HDAC3: variants seen among roughly 807,000 people sequenced by gnomAD.
HDAC3 encodes the protein histone deacetylase 3.
In HDAC3, 21 loss-of-function variants were observed where a neutral mutation model predicts 62.3. That is an observed-to-expected ratio of 0.34 (90% CI 0.24 to 0.49). HDAC3 has a LOEUF of 0.49. Among genes scored for constraint, HDAC3 ranks in the 20% least tolerant of loss-of-function variants. The probability of loss-of-function intolerance (pLI) is 0.99; values close to 1 mark genes in which losing one functional copy is unlikely to be tolerated. For synonymous variants in HDAC3, 198 were observed against 206.5 expected (o/e 0.96, Z 0.35); for missense variants, 270 against 556.9 (o/e 0.48, Z 5.19).
In HDAC3 at chr5:141,636,780, G is replaced by A. The variant is rs1288098499; in HGVS notation, c.11C>T (p.Thr4Ile). 3.7e-6 allele frequency: 6 copies of A among 1,611,960 alleles called. No homozygotes were observed. The East Asian group carries it at 1.1e-4, about 30-fold the overall frequency. MAK[T>I]VAYFYDPDVG... ...GTCGGGGTCGTAGAAATAGGCCACG[G>A]TCTTGGCCATGGTGCCGGCGGGAGC... is the stretch of plus-strand genomic sequence containing the variant. Residue 4 changes from threonine to isoleucine, a missense_variant, in exon 1 of 15, where the codon ACC (threonine) becomes ATC (isoleucine). By Grantham distance (89) the Thr-to-Ile change is moderately conservative. Around this residue, in one of 5 missense-constraint regions of HDAC3, gnomAD observed 22 missense variants for 21.3 expected, o/e 1.03. Coordinates refer to ENST00000305264, the MANE Select transcript of HDAC3 (RefSeq NM_003883.4).
intron 3 of HDAC3, among the ~76,000 whole-genome samples, chr5:141,633,548 G>A (rs1314377721): frequency 6.6e-6 from 1 of 152,100 alleles, no homozygotes; most frequent in Non-Finnish European, 1.5e-5. Context: ...TTGCTCAGCT[G>A]GGTGCGATGG....
chr5:141,629,216 C>G lies in HDAC3; in HGVS notation c.567G>C (p.Thr189=). Residue 189 remains threonine (T), a synonymous_variant, in exon 7 of 15, where the codon ACG becomes ACC. Coordinates refer to ENST00000305264, the MANE Select transcript of HDAC3 (RefSeq NM_003883.4). This position sits in a 1 kb window ranked among gnomAD's most constrained non-coding sequence, Gnocchi z 5.3. The part of the protein sequence containing the change: ...EAFYLTDRVM[T]VSFHKYGNYF... ...AATTTCCGTATTTGTGGAAGGACAC[C>G]GTCATGACCCGGTCAGTGAGGTAGA... 1 of 1,614,122 alleles carries G rather than the reference C, an allele frequency of 6.2e-7. No homozygotes were observed. Among genetic ancestry groups the G allele is most frequent in the Non-Finnish European group, 8.5e-7 (1 of 1,180,022 alleles).
rs1220359291 is a variant in HDAC3, at chr5:141,625,970, G to C, written c.979+43C>G. The C allele has an allele frequency of 6.5e-7, 1 of 1,547,180 alleles. No homozygotes were observed. The highest frequency in any genetic ancestry group is 1.7e-5 in the Admixed American group (1 of 59,932). On this transcript the variant is annotated intron_variant, in intron 12 of 14. Coordinates refer to ENST00000305264, the MANE Select transcript of HDAC3 (RefSeq NM_003883.4). The surrounding 1 kb of genome is among the most constrained non-coding windows in gnomAD (Gnocchi z 4.0). ...ACCAGGTCATTCTGGAATCTGGTGA[G>C]AATGGCCTTCCTGTTATGGGGGTGT...
At position 141,629,660 on chromosome 5, in the gene HDAC3, C is replaced by T. The variant is rs1208972984; in HGVS notation, c.476+24G>A. 6.2e-7 allele frequency: 1 copy of T among 1,612,176 alleles called. No individual in the cohort carries two copies. Among genetic ancestry groups the T allele is most frequent in the Non-Finnish European group, 8.5e-7 (1 of 1,179,146 alleles). ...CTCAGCCAAGAATCCCGTAACTGCC[C>T]CCATCTCCTCCTGGGCTACTTACTT... is the stretch of plus-strand genomic sequence containing the variant. On this transcript the variant is annotated intron_variant, in intron 6 of 14. Transcript: ENST00000305264. The surrounding 1 kb of genome is among the most constrained non-coding windows in gnomAD (Gnocchi z 5.3).
intron 10 of HDAC3, 50 bp downstream of exon 10, chr5:141,627,843 G>T (rs750785017): frequency 5.1e-6 from 8 of 1,565,028 alleles, no homozygotes; most frequent in Non-Finnish European, 7.0e-6. Context: ...ACGTACTGAA[G>T]TCCAAGGCCA....
rs902121515 is a variant in HDAC3 at position 141,628,512 on chromosome 5, A to C, written c.691+47T>G. On this transcript the variant is annotated intron_variant, in intron 8 of 14. Coordinates refer to ENST00000305264, the MANE Select transcript of HDAC3 (RefSeq NM_003883.4). The surrounding 1 kb of genome is among the most constrained non-coding windows in gnomAD (Gnocchi z 4.7). ...CCAGGCAGAAGAGGTTATTTCAAGG[A>C]GAAAAAGAAGGGGCCTAGGGAACAG... is the stretch of plus-strand genomic sequence containing the variant. 1 of 1,468,884 alleles carries C rather than the reference A, an allele frequency of 6.8e-7. No individual in the cohort carries two copies. Among genetic ancestry groups the C allele is most frequent in the African/African-American group, 1.4e-5 (1 of 71,992 alleles). The allele number at this position is 1,468,884 out of a possible 1,614,324, so 91.0% of individuals were successfully genotyped here.
Position 141,625,922 on chromosome 5 carries a change from T to C in HDAC3, c.979+91A>G, listed in dbSNP as rs2099904377. 2 of 1,363,912 alleles carry C rather than the reference T, an allele frequency of 1.5e-6. No homozygotes were observed. Among genetic ancestry groups the C allele is most frequent in the East Asian group, 2.3e-5 (1 of 43,744 alleles). The allele number at this position is 1,363,912 out of a possible 1,614,324, so 84.5% of individuals were successfully genotyped here. On this transcript the variant is annotated intron_variant, in intron 12 of 14. Transcript: ENST00000305264. The surrounding 1 kb of genome is among the most constrained non-coding windows in gnomAD (Gnocchi z 4.0). ...TTTAGTCTGCAGAGCTCTGAGAGTG[T>C]AAAATTTCCCATGTGCCTTCAAACC...
chr5:141,634,043 T>C (rs2099905621), intron 3 of HDAC3, among the ~76,000 whole-genome samples: 1 of 152,196 alleles, frequency 6.6e-6, no homozygotes, highest in Non-Finnish European at 1.5e-5. Flanking sequence ...GGCTTATCTT[T>C]GTTGTCCACT....
chr5:141,630,980 G>A lies in HDAC3; in HGVS notation c.282-855C>T, dbSNP rs1370465556. Among the ~76,000 whole-genome samples, 8 of 151,768 alleles carry A rather than the reference G, an allele frequency of 5.3e-5. 1 individual carries two copies. The highest frequency in any genetic ancestry group is 4.2e-4 in the South Asian group (2 of 4,808). On this transcript the variant is annotated intron_variant, in intron 3 of 14. Coordinates refer to ENST00000305264, the MANE Select transcript of HDAC3 (RefSeq NM_003883.4). ...GGGACTACAGGTGTGAGCCATCGGC[G>A]CTGGCCCTATACCTTGATATATTCT...
chr5:141,628,445 G>T lies in HDAC3; in HGVS notation c.691+114C>A. ...CCAGAGATTCATGGTCCCTCTGAAG[G>T]CCATTCATCCTTAAGGACAACTGGC... On this transcript the variant is annotated intron_variant, in intron 8 of 14. Transcript: ENST00000305264. This position sits in a 1 kb window ranked among gnomAD's most constrained non-coding sequence, Gnocchi z 4.7. 1 of 858,364 alleles carries T rather than the reference G, an allele frequency of 1.2e-6. No homozygotes were observed. The highest frequency in any genetic ancestry group is 2.0e-6 in the Non-Finnish European group (1 of 512,270). 53.2% of individuals were successfully genotyped at this position (858,364 alleles called of 1,614,324 possible). A position where few individuals can be genotyped will look rare whatever the true frequency, so the allele number is the denominator to read the frequency against.
chr5:141,634,877 C>G lies in HDAC3; in HGVS notation c.215G>C (p.Arg72Thr). 6.2e-7 allele frequency: 1 copy of G among 1,614,108 alleles called. No homozygotes were observed. Among genetic ancestry groups the G allele is most frequent in the Non-Finnish European group, 8.5e-7 (1 of 1,179,998 alleles). The change falls in exon 3 of 15, where the codon AGA becomes ACA. Residue 72 changes from arginine to threonine, a missense_variant. Physicochemically the swap from Arg to Thr is moderately conservative, Grantham distance 71. Around this residue, in one of 5 missense-constraint regions of HDAC3, gnomAD observed 32 missense variants for 37.4 expected, o/e 0.86. Coordinates refer to ENST00000305264, the MANE Select transcript of HDAC3 (RefSeq NM_003883.4). ...HSEDYIDFLQ[R>T]VSPTNMQGFT... ...GCCTTGCATATTGGTGGGGCTGACT[C>G]TCTGCAGGAAGTCAATGTAGTCCTC...
chr5:141,626,241 G>T lies in HDAC3; in HGVS notation c.873C>A (p.Leu291=). Residue 291 remains leucine (L), a synonymous_variant, in exon 11 of 15, where the codon CTC becomes CTA. Transcript: ENST00000305264. This position sits in a 1 kb window ranked among gnomAD's most constrained non-coding sequence, Gnocchi z 4.6. ...CAGTATAACCACCACCACCCAGCAC[G>T]AGTAGAGGGATATTGAAGCTCTTGA... The part of the protein sequence containing the change: ...EYVKSFNIPL[L]VLGGGGYTVR... 6.2e-7 allele frequency: 1 copy of T among 1,614,130 alleles called. No homozygotes were observed.
Position 141,625,353 on chromosome 5 carries a change from T to G in HDAC3, c.1072A>C (p.Ile358Leu). The G allele has an allele frequency of 6.2e-7, 1 of 1,614,056 alleles. No individual in the cohort carries two copies. The highest frequency in any genetic ancestry group is 1.7e-5 in the Admixed American group (1 of 59,998). Residue 358 changes from isoleucine to leucine, a missense_variant, in exon 14 of 15, where the codon ATC becomes CTC. By Grantham distance (5) the Ile-to-Leu change is conservative. Transcript: ENST00000305264. The surrounding 1 kb of genome is among the most constrained non-coding windows in gnomAD (Gnocchi z 4.0). Reference sequence around the variant, plus strand: ...AGGTTTTCAAAGATTGTCTGGCGGATCTGGTCCAGATACTGGTTGGAAATG... The same window carrying G: ...AGGTTTTCAAAGATTGTCTGGCGGAGCTGGTCCAGATACTGGTTGGAAATG... ...NQNSRQYLDQ[I>L]RQTIFENLKM...
chr5:141,636,283 C>T, intron 2 of HDAC3: 1 of 523,464 alleles, frequency 1.9e-6, no homozygotes, highest in Non-Finnish European at 3.5e-6. Flanking sequence ...GTCTTCAAAC[C>T]AGCCCCACAT....
intron 3 of HDAC3, among the ~76,000 whole-genome samples, chr5:141,632,750 G>C (rs1397261502): frequency 6.6e-6 from 1 of 152,220 alleles, no homozygotes; most frequent in Non-Finnish European, 1.5e-5. Flanking sequence ...AGGTTTCATG[G>C]AGATGGTGTG....
In HDAC3 at chr5:141,634,922, T is replaced by C; in HGVS notation, c.170A>G (p.Asp57Gly). ...GTCCTCGGAGTGGAAGCGGCACATG[T>C]CATGTTGGGAGGCCTGGTATGGCTT... ...VFKPYQASQH[D>G]MCRFHSEDYI... The change falls in exon 3 of 15, where the codon GAC becomes GGC. Residue 57 changes from aspartate (D) to glycine (G), a missense_variant. Asp to Gly is a moderately conservative substitution (Grantham distance 94). This residue lies in a region of HDAC3 where 32 missense variants were observed against 37.4 expected (regional missense o/e 0.86). Coordinates refer to ENST00000305264, the MANE Select transcript of HDAC3 (RefSeq NM_003883.4). 1 of 1,614,096 alleles carries C rather than the reference T, an allele frequency of 6.2e-7. No homozygotes were observed. Among genetic ancestry groups the C allele is most frequent in the Non-Finnish European group, 8.5e-7 (1 of 1,180,016 alleles).
intron 14 of HDAC3, among the ~76,000 whole-genome samples, chr5:141,622,699 T>C (rs1159212952): frequency 3.3e-5 from 5 of 152,208 alleles, no homozygotes; most frequent in Non-Finnish European, 5.9e-5. Flanking sequence ...AGGAAAGGCC[T>C]TATCTGCATG....
intron 3 of HDAC3, among the ~76,000 whole-genome samples, 161 bp from the exon 4 acceptor site, chr5:141,630,286 G>A (rs2099905001): frequency 6.6e-6 from 1 of 152,110 alleles, no homozygotes. Flanking sequence ...CAAATATTTT[G>A]GACCAAACCA....
rs1348981653 is a variant in HDAC3 at position 141,628,917 on chromosome 5, C to T, written c.610+256G>A. On this transcript the variant is annotated intron_variant, in intron 7 of 14. Transcript: ENST00000305264. This position sits in a 1 kb window ranked among gnomAD's most constrained non-coding sequence, Gnocchi z 4.7. ...CACGCTTATATTCTTAGGGAATAGC[C>T]ATGAGGAGGAGGGAGGCAGTAAACA... Among the ~76,000 whole-genome samples, 1 of 152,106 alleles carries T rather than the reference C, an allele frequency of 6.6e-6. No individual in the cohort carries two copies. Among genetic ancestry groups the T allele is most frequent in the Non-Finnish European group, 1.5e-5 (1 of 68,024 alleles).
Sources: allele counts gnomAD v4.1 joint callset (sites outside exome capture counted in the v4.1 genomes callset), GRCh38; gene constraint gnomAD v4.1.1; regional missense constraint gnomAD v4.1.1; non-coding constraint Gnocchi (gnomAD v3.1); transcripts MANE v1.5; gene names NCBI Gene and HGNC (gene_info 2026-07-23, HGNC 2026-07-21).